The following RGS7BP variants were observed in gnomAD, a reference collection of about 807,000 sequenced individuals.
The protein encoded by RGS7BP is regulator of G protein signaling 7-binding protein.
In RGS7BP, 9 loss-of-function variants were observed where a neutral mutation model predicts 31.3. The ratio of observed to expected loss-of-function variants is 0.29; its 90% CI spans 0.17 to 0.50. RGS7BP has a LOEUF of 0.50. Among genes scored for constraint, RGS7BP ranks in the 20% least tolerant of loss-of-function variants. RGS7BP has a pLI of 0.98. For synonymous variants in RGS7BP, 115 were observed against 120.1 expected (o/e 0.96, Z 0.28); for missense variants, 274 against 322.0 (o/e 0.85, Z 1.14).
At chr5:64,534,364 G>A (rs1051333967) in intron 2 of RGS7BP, among the ~76,000 whole-genome samples, 1 of 152,186 alleles carries the variant, frequency 6.6e-6, no homozygotes, top group Non-Finnish European at 1.5e-5. Flanking sequence ...GATTTAAAAT[G>A]CAGTGAAAAG....
intron 2 of RGS7BP, among the ~76,000 whole-genome samples, chr5:64,508,941 ATTACT>A (rs556975720): frequency 5.9e-4 from 90 of 152,330 alleles, no homozygotes; most frequent in African/African-American, 2.0e-3. Flanking sequence ...TCTGTTAATA[ATTACT>A]TTACATTTGA....
intron 3 of RGS7BP, among the ~76,000 whole-genome samples, chr5:64,576,333 G>A (rs775480249): frequency 6.6e-6 from 1 of 152,188 alleles, no homozygotes; most frequent in Admixed American, 6.5e-5. Flanking sequence ...AGGGAGGTTA[G>A]TAATAGATAA....
At chr5:64,586,024 G>A (rs1274827038) in intron 3 of RGS7BP, among the ~76,000 whole-genome samples, 1 of 152,094 alleles carries the variant, frequency 6.6e-6, no homozygotes, top group Non-Finnish European at 1.5e-5. Flanking sequence ...GATTTTAAAT[G>A]TACAACAACT....
intron 3 of RGS7BP, among the ~76,000 whole-genome samples, chr5:64,581,795 G>A (rs190969058): frequency 2.3e-3 from 348 of 152,250 alleles, no homozygotes; most frequent in African/African-American, 7.6e-3. Flanking sequence ...TCATAAGTCT[G>A]ATTGGTACAA....
At chr5:64,554,500 G>C (rs1741876272) in intron 2 of RGS7BP, among the ~76,000 whole-genome samples, 1 of 152,174 alleles carries the variant, frequency 6.6e-6, no homozygotes, top group Admixed American at 6.6e-5. Flanking sequence ...GCTTAGTGAA[G>C]AGGTAGGGAA....
intron 2 of RGS7BP, among the ~76,000 whole-genome samples, chr5:64,546,223 A>G (rs1270505207): frequency 6.6e-6 from 1 of 152,208 alleles, no homozygotes; most frequent in Non-Finnish European, 1.5e-5. Flanking sequence ...TACTAAAAAT[A>G]CAAAAATTAG....
intron 2 of RGS7BP, among the ~76,000 whole-genome samples, chr5:64,542,487 A>G (rs1224999709): frequency 6.6e-6 from 1 of 152,158 alleles, no homozygotes; most frequent in African/African-American, 2.4e-5. Flanking sequence ...ATAAACTACC[A>G]CTTTATTTAT....
At position 64,538,613 on chromosome 5, in the gene RGS7BP, G is replaced by C. The variant is rs1303164464; in HGVS notation, c.332+30736G>C. Among the ~76,000 whole-genome samples the C allele has an allele frequency of 2.5e-5, 3 of 119,836 alleles. No individual in the cohort carries two copies. The East Asian group carries it at 8.5e-4, about 34-fold the overall frequency. 78.6% of individuals were successfully genotyped at this position (119,836 alleles called of 152,430 possible). On this transcript the variant is annotated intron_variant, in intron 2 of 5. Transcript: ENST00000334025. The stretch of plus-strand genomic sequence containing the variant: ...GCTCTGTCACCCAGGCTGGAGTGCA[G>C]TGGCACGATCTCAGCTCACTGCAAC...
At chr5:64,536,171 C>T (rs989067093) in intron 2 of RGS7BP, among the ~76,000 whole-genome samples, 59 of 152,258 alleles carry the variant, frequency 3.9e-4, no homozygotes, top group African/African-American at 1.4e-3. Context: ...AAAAGTAGCT[C>T]ATGATATTGG....
intron 4 of RGS7BP, among the ~76,000 whole-genome samples, chr5:64,595,530 G>A (rs986084749): frequency 5.3e-5 from 8 of 152,048 alleles, no homozygotes; most frequent in African/African-American, 1.9e-4. Context: ...TTTAGGAAAA[G>A]GGAGTAATAA....
intron 2 of RGS7BP, among the ~76,000 whole-genome samples, chr5:64,555,995 T>C (rs1741914136): frequency 6.6e-6 from 1 of 152,080 alleles, no homozygotes; most frequent in Non-Finnish European, 1.5e-5. Flanking sequence ...GGAAATTCTG[T>C]CGATTTGTGC....
chr5:64,536,787 C>T (rs1360703583), intron 2 of RGS7BP, among the ~76,000 whole-genome samples: 3 of 152,062 alleles, frequency 2.0e-5, no homozygotes, highest in Middle Eastern at 3.2e-3. Flanking sequence ...ATGCTGGTTT[C>T]CAAACCTGTT....
At chr5:64,521,563 GT>G (rs1306589138) in intron 2 of RGS7BP, among the ~76,000 whole-genome samples, 3 of 152,134 alleles carry the variant, frequency 2.0e-5, no homozygotes, top group Admixed American at 6.5e-5. Flanking sequence ...GGCCTTTTGT[GT>G]CTTTTACATA....
At chr5:64,540,610 A>C (rs1415864653) in intron 2 of RGS7BP, among the ~76,000 whole-genome samples, 3 of 152,214 alleles carry the variant, frequency 2.0e-5, no homozygotes, top group Non-Finnish European at 4.4e-5. Context: ...GAGTATTACT[A>C]TATTGACCTC....
intron 2 of RGS7BP, among the ~76,000 whole-genome samples, chr5:64,510,544 G>A (rs1468752010): frequency 5.9e-5 from 9 of 152,164 alleles, no homozygotes; most frequent in Admixed American, 5.9e-4. Flanking sequence ...GGAGGCGAGA[G>A]CAGGTAGAGA....
intron 2 of RGS7BP, among the ~76,000 whole-genome samples, chr5:64,545,434 G>T (rs1350247683): frequency 6.6e-6 from 1 of 151,888 alleles, no homozygotes; most frequent in East Asian, 1.9e-4. Context: ...AAAAGAGTCG[G>T]CTTTTATCCT....
intron 2 of RGS7BP, among the ~76,000 whole-genome samples, chr5:64,530,762 C>CT (rs11424081): frequency 0.028 from 4,151 of 146,460 alleles, 92 homozygotes; most frequent in African/African-American, 0.067. Flanking sequence ...AGGGTTTTTT[C>CT]TTTTTTTTTT....
intron 2 of RGS7BP, among the ~76,000 whole-genome samples, chr5:64,538,540 C>CTTTTTTTTTTTTTTTTTTTTTTTTTT (rs1741440352): frequency 7.2e-4 from 21 of 29,288 alleles, no homozygotes; most frequent in South Asian, 3.3e-3. Context: ...TTTTTTTTTT[C>CTTTTTTTTTTTTTTTTTTTTTTTTTT]CTTTTCTTTT....
intron 5 of RGS7BP, among the ~76,000 whole-genome samples, chr5:64,607,435 A>T (rs1458235713): frequency 6.6e-6 from 1 of 152,032 alleles, no homozygotes; most frequent in East Asian, 1.9e-4. Flanking sequence ...TACACATAAG[A>T]TGTATATCGG....
Sources: allele counts gnomAD v4.1 joint callset (sites outside exome capture counted in the v4.1 genomes callset), GRCh38; gene constraint gnomAD v4.1.1; transcripts MANE v1.5; gene names NCBI Gene and HGNC (gene_info 2026-07-23, HGNC 2026-07-21).